The following SLC1A2 variants were observed in gnomAD, a reference collection of about 807,000 sequenced individuals.
The protein encoded by SLC1A2 is excitatory amino acid transporter 2.
SLC1A2 carries 15 observed loss-of-function variants against 48.8 expected under a neutral mutation model. The observed-to-expected ratio is 0.31, with a 90% CI of 0.21 to 0.47. The LOEUF is 0.47. SLC1A2 is among the 20% of genes least tolerant of loss of function. The pLI is 0.99. For synonymous variants in SLC1A2, 279 were observed against 272.6 expected (o/e 1.02, Z -0.23); for missense variants, 502 against 730.5 (o/e 0.69, Z 3.61).
Position 35,292,460 on chromosome 11 carries a change from T to C in SLC1A2, c.918A>G (p.Leu306=). Residue 306 remains leucine, a synonymous_variant, in exon 7 of 11, where the codon TTA becomes TTG. Transcript: ENST00000278379. ...TCCCCAGTTGCCTAGCAACCACTTCTAAGTCCTTGATTGCAATGATCTTTC... is the reference window on the plus strand; with the variant it reads ...TCCCCAGTTGCCTAGCAACCACTTCCAAGTCCTTGATTGCAATGATCTTTC... The part of the protein sequence containing the change: ...ICGKIIAIKD[L]EVVARQLGMY... 1.9e-6 allele frequency: 3 copies of C among 1,613,950 alleles called. No individual in the cohort carries two copies. Among genetic ancestry groups the C allele is most frequent in the Non-Finnish European group, 2.5e-6 (3 of 1,179,896 alleles).
In SLC1A2 at chr11:35,260,029, C is replaced by A. The variant is rs1950370135; in HGVS notation, c.*865G>T. The A allele has an allele frequency of 6.6e-6, 1 of 152,162 alleles. No individual in the cohort carries two copies. The highest frequency in any genetic ancestry group is 6.5e-5 in the Admixed American group (1 of 15,272). The allele number at this position is 152,162 out of a possible 1,614,324, so 9.4% of individuals were successfully genotyped here. A position where few individuals can be genotyped will look rare whatever the true frequency, so the allele number is the denominator to read the frequency against. ...AAGCAAAACACATACCAAATAATCT[C>A]ATTTGATTTTACTACACCAGGTGAA... On this transcript the variant is annotated 3_prime_UTR_variant, in exon 11 of 11. Coordinates refer to ENST00000278379, the MANE Select transcript of SLC1A2 (RefSeq NM_004171.4).
At chr11:35,353,546 G>A (rs1853343151) in intron 1 of SLC1A2, among the ~76,000 whole-genome samples, 1 of 152,100 alleles carries the variant, frequency 6.6e-6, no homozygotes, top group Admixed American at 6.5e-5. Flanking sequence ...AGCACAATAG[G>A]GTTTCCAATA....
At chr11:35,324,388 G>A (rs1852172974) in intron 1 of SLC1A2, among the ~76,000 whole-genome samples, 1 of 152,200 alleles carries the variant, frequency 6.6e-6, no homozygotes. Context: ...CTCTTTTCTG[G>A]CAGTGGCTGA....
chr11:35,293,300 T>C (rs907971565), intron 6 of SLC1A2, among the ~76,000 whole-genome samples: 2 of 152,222 alleles, frequency 1.3e-5, no homozygotes, highest in Non-Finnish European at 2.9e-5. Context: ...CTCAGGTCTG[T>C]GAAACTCCCA....
intron 1 of SLC1A2, among the ~76,000 whole-genome samples, chr11:35,339,364 A>T (rs1852751831): frequency 6.6e-6 from 1 of 152,214 alleles, no homozygotes; most frequent in Non-Finnish European, 1.5e-5. Flanking sequence ...ACCTAACTGG[A>T]ACTATCCGTT....
chr11:35,366,845 C>T (rs1246483878), intron 1 of SLC1A2, among the ~76,000 whole-genome samples: 2 of 152,300 alleles, frequency 1.3e-5, no homozygotes, highest in South Asian at 2.1e-4. Flanking sequence ...TGCTTCAGCC[C>T]GGGTCCTAGG....
chr11:35,370,543 C>G (rs1184233451), intron 1 of SLC1A2, among the ~76,000 whole-genome samples: 1 of 152,164 alleles, frequency 6.6e-6, no homozygotes, highest in African/African-American at 2.4e-5. Context: ...TTAGCAAATA[C>G]TCAGCAGCCT....
At chr11:35,274,926 CA>C (rs987412435) in intron 9 of SLC1A2, among the ~76,000 whole-genome samples, 1 of 151,682 alleles carries the variant, frequency 6.6e-6, no homozygotes, top group Middle Eastern at 3.2e-3. Context: ...AGAGTTAACT[CA>C]AAAAAAAGTA....
chr11:35,378,643 G>A (rs752989748), intron 1 of SLC1A2, among the ~76,000 whole-genome samples: 2 of 152,238 alleles, frequency 1.3e-5, no homozygotes, highest in African/African-American at 4.8e-5. Context: ...AAGTCTGCCT[G>A]TAACTGAAGC....
intron 9 of SLC1A2, among the ~76,000 whole-genome samples, chr11:35,274,806 G>A (rs1850388277): frequency 6.6e-6 from 1 of 152,236 alleles, no homozygotes; most frequent in Non-Finnish European, 1.5e-5. Flanking sequence ...ACGAGCCCAT[G>A]TAAAGTGCTT....
intron 1 of SLC1A2, among the ~76,000 whole-genome samples, chr11:35,373,407 C>T (rs139420598): frequency 9.7e-4 from 148 of 152,278 alleles, no homozygotes; most frequent in African/African-American, 3.3e-3. Context: ...ATCTTCTGCC[C>T]CTAGACTGTG....
At chr11:35,337,221 G>A (rs529488638) in intron 1 of SLC1A2, among the ~76,000 whole-genome samples, 1 of 152,130 alleles carries the variant, frequency 6.6e-6, no homozygotes, top group African/African-American at 2.4e-5. Context: ...CTGTATCCAT[G>A]TTGATGGGGG....
chr11:35,317,107 T>A (rs1008818905), intron 2 of SLC1A2: 1 of 383,636 alleles, frequency 2.6e-6, no homozygotes, highest in African/African-American at 2.0e-5. Context: ...CAAAGCAAAG[T>A]CTCCATAAGT....
intron 8 of SLC1A2, among the ~76,000 whole-genome samples, chr11:35,284,491 T>C (rs1850749099): frequency 6.6e-6 from 1 of 152,206 alleles, no homozygotes; most frequent in African/African-American, 2.4e-5. Flanking sequence ...ACATTTCAGA[T>C]GATACATTCT....
chr11:35,254,660 T>C lies in SLC1A2; in HGVS notation c.*6234A>G. The C allele has an allele frequency of 2.5e-6, 1 of 396,760 alleles. No individual in the cohort carries two copies. 24.6% of individuals were successfully genotyped at this position (396,760 alleles called of 1,614,324 possible). On this transcript the variant is annotated 3_prime_UTR_variant, in exon 11 of 11. Transcript: ENST00000278379. The stretch of plus-strand genomic sequence containing the variant: ...GGATGATGACAAGGCTAACAGTCAG[T>C]TGTCAGGTTTCAACACTCACCCAAG...
chr11:35,298,805 A>T (rs1851248253), intron 6 of SLC1A2: 1 of 152,206 alleles, frequency 6.6e-6, no homozygotes, highest in Non-Finnish European at 1.5e-5. Flanking sequence ...GTCCTAGAAG[A>T]TTCCCTTTCC....
At chr11:35,368,237 T>C (rs75878668) in intron 1 of SLC1A2, among the ~76,000 whole-genome samples, 4,578 of 152,318 alleles carry the variant, frequency 0.03, 88 homozygotes, top group Middle Eastern at 0.071. Flanking sequence ...AGCTATATGA[T>C]TTCCCTGGAT....
chr11:35,295,421 T>C (rs1851141254), intron 6 of SLC1A2, among the ~76,000 whole-genome samples: 1 of 152,166 alleles, frequency 6.6e-6, no homozygotes, highest in Non-Finnish European at 1.5e-5. Flanking sequence ...TCCATATCAA[T>C]GAATTACCTA....
At chr11:35,264,366 G>A (rs924336051) in intron 10 of SLC1A2, among the ~76,000 whole-genome samples, 2 of 152,194 alleles carry the variant, frequency 1.3e-5, no homozygotes, top group Admixed American at 1.3e-4. Context: ...ATGTGACCTT[G>A]TCAACAGAAG....
Sources: allele counts gnomAD v4.1 joint callset (sites outside exome capture counted in the v4.1 genomes callset), GRCh38; gene constraint gnomAD v4.1.1; transcripts MANE v1.5; gene names NCBI Gene and HGNC (gene_info 2026-07-23, HGNC 2026-07-21).